Variants in POLE2 observed in about 807,000 individuals in gnomAD.
POLE2 encodes DNA polymerase epsilon 2, accessory subunit.
In POLE2, 56 loss-of-function variants were observed where a neutral mutation model predicts 79.4. The ratio of observed to expected loss-of-function variants is 0.71; its 90% CI spans 0.57 to 0.88. The LOEUF is 0.88. Among genes scored for constraint, POLE2 ranks in the 40% least tolerant of loss-of-function variants. The pLI is 0.00. For synonymous variants in POLE2, 212 were observed against 214.0 expected, an observed-to-expected ratio of 0.99 and a Z score of 0.08; for missense variants, 598 against 638.9, an observed-to-expected ratio of 0.94 and a Z score of 0.69.
chr14:49,680,080 T>C (rs1235033509), intron 2 of POLE2, among the ~76,000 whole-genome samples: 6 of 152,382 alleles, frequency 3.9e-5, no homozygotes, highest in South Asian at 4.1e-4. Context: ...CTAGGGTCGG[T>C]GGCTCACACC....
At chr14:49,646,899 C>G (rs1281524865) in intron 18 of POLE2, 2 of 158,260 alleles carry the variant, frequency 1.3e-5, no homozygotes, top group Non-Finnish European at 2.8e-5. Context: ...TCCGTAACTC[C>G]AACCCCATAC....
chr14:49,665,848 C>T (rs1342380086), intron 7 of POLE2, among the ~76,000 whole-genome samples: 1 of 151,950 alleles, frequency 6.6e-6, no homozygotes. Flanking sequence ...ATTTTTGAGA[C>T]AAAGTTTCGC....
In POLE2 at chr14:49,655,079, G is replaced by C; in HGVS notation, c.944C>G (p.Pro315Arg). Residue 315 changes from proline (P) to arginine (R), a missense_variant, in exon 12 of 19, where the codon CCT becomes CGT. Transcript: ENST00000216367. ...RIMFAGYSPA[P>R]PTCFILCGNF... ...ACCACACAGAATAAAGCAGGTTGGA[G>C]GTGCTGGTGAATAACCTAAACAATA... 3 of 1,539,450 alleles carry C rather than the reference G, an allele frequency of 1.9e-6. No homozygotes were observed. The highest frequency in any genetic ancestry group is 2.6e-6 in the Non-Finnish European group (3 of 1,138,076).
rs1555330539 is a variant in POLE2, at chr14:49,655,103, T to A, written c.929-9A>T. On this transcript the variant is annotated splice_polypyrimidine_tract_variant and intron_variant, in intron 11 of 18. Transcript: ENST00000216367. ...AGGTGCTGGTGAATAACCTAAACAA[T>A]AAAAGAGTAAATGAACAATACTTTT... 7.2e-7 allele frequency: 1 copy of A among 1,398,182 alleles called. No individual in the cohort carries two copies. The highest frequency in any genetic ancestry group is 2.5e-5 in the East Asian group (1 of 39,970). The allele number at this position is 1,398,182 out of a possible 1,614,324, so 86.6% of individuals were successfully genotyped here. A position where few individuals can be genotyped will look rare whatever the true frequency, so the allele number is the denominator to read the frequency against.
intron 3 of POLE2, among the ~76,000 whole-genome samples, chr14:49,677,159 G>A (rs1238245816): frequency 6.6e-6 from 1 of 152,212 alleles, no homozygotes; most frequent in Non-Finnish European, 1.5e-5. Context: ...AGGACTGGGA[G>A]GAGGCCCAGC....
At chr14:49,654,501 T>C (rs1884506486) in intron 13 of POLE2, 1 of 456,946 alleles carries the variant, frequency 2.2e-6, no homozygotes, top group Non-Finnish European at 3.8e-6. Context: ...TAAAGAGACA[T>C]GTGGCCAGTG....
Position 49,664,673 on chromosome 14 carries a change from TG to T in POLE2, c.634del (p.Gln212SerfsTer14). 1 of 1,579,516 alleles carries T rather than the reference TG, an allele frequency of 6.3e-7. No homozygotes were observed. The highest frequency in any genetic ancestry group is 8.7e-7 in the Non-Finnish European group (1 of 1,148,774). Reference protein sequence around the residue: ...GTVQLDLSKAQFHSGLYTEAC... With the variant: ...GTVQLDLSKAXFHSGLYTEAC... Reference sequence around the variant, plus strand: ...CTCTGTGTATAAACCACTATGGAACTGGTACACAACAGTTGAGGAAAATAAT... The same window carrying T: ...CTCTGTGTATAAACCACTATGGAACTGTACACAACAGTTGAGGAAAATAAT... On this transcript the variant is annotated frameshift_variant and splice_region_variant, in exon 9 of 19. Coordinates refer to ENST00000216367, the MANE Select transcript of POLE2 (RefSeq NM_002692.4). LOFTEE classifies it high-confidence loss of function.
chr14:49,677,543 A>T (rs1886372373), intron 3 of POLE2: 6 of 483,388 alleles, frequency 1.2e-5, no homozygotes, highest in South Asian at 8.7e-5. Flanking sequence ...CTGCCGGACT[A>T]GGCGACCCAG....
chr14:49,674,203 T>A lies in POLE2; in HGVS notation c.337A>T (p.Asn113Tyr). 6.2e-7 allele frequency: 1 copy of A among 1,611,336 alleles called. No homozygotes were observed. Among genetic ancestry groups the A allele is most frequent in the Non-Finnish European group, 8.5e-7 (1 of 1,177,464 alleles). The change falls in exon 5 of 19, where the codon AAC becomes TAC. Residue 113 changes from asparagine to tyrosine, a missense_variant. Coordinates refer to ENST00000216367, the MANE Select transcript of POLE2 (RefSeq NM_002692.4). ...RKKFLPLLMT[N>Y]HPAPNLFGTP... is the part of the protein sequence containing the mutation. ...CCAAATAAATTTGGTGCAGGGTGGT[T>A]GGTCATTAACAGACTAGAAAAAGAG... is the stretch of plus-strand genomic sequence containing the variant.
chr14:49,650,405 G>A lies in POLE2; in HGVS notation c.1357C>T (p.Pro453Ser). ...ACTGGGCAGACATAAAGAGGTAGGG[G>A]AGTCAGATGTCCTTGGGATAAGATA... is the stretch of plus-strand genomic sequence containing the variant. ...KTILSQGHLT[P>S]LPLYVCPVYW... The change falls in exon 17 of 19, where the codon CCC becomes TCC. Residue 453 changes from proline (P) to serine (S), a missense_variant. Pro to Ser is a moderately conservative substitution (Grantham distance 74, BLOSUM62 -1). Coordinates refer to ENST00000216367, the MANE Select transcript of POLE2 (RefSeq NM_002692.4). 1.9e-6 allele frequency: 3 copies of A among 1,576,320 alleles called. No homozygotes were observed. Among genetic ancestry groups the A allele is most frequent in the Non-Finnish European group, 2.6e-6 (3 of 1,159,420 alleles).
chr14:49,677,085 C>T (rs1404895945), intron 3 of POLE2, among the ~76,000 whole-genome samples: 1 of 152,186 alleles, frequency 6.6e-6, no homozygotes, highest in African/African-American at 2.4e-5. Flanking sequence ...CCATGTGGAC[C>T]TAGTGGAGGG....
rs1206326841 is a variant in POLE2, at chr14:49,655,408, G to C, written c.928+263C>G. Among the ~76,000 whole-genome samples, 3 of 150,930 alleles carry C rather than the reference G, an allele frequency of 2.0e-5. No individual in the cohort carries two copies. In the South Asian group the frequency reaches 6.3e-4, roughly 32 times the overall value. ...TTTAGAGATGGGGTCTCACTATGTT[G>C]TCCAGCTGGTCTTGAACTTCAGGAC... On this transcript the variant is annotated intron_variant, in intron 11 of 18. Coordinates refer to ENST00000216367, the MANE Select transcript of POLE2 (RefSeq NM_002692.4).
In POLE2 at chr14:49,677,012, G is replaced by T. The variant is rs548612159; in HGVS notation, c.246-2585C>A. 2.6e-5 allele frequency among the ~76,000 whole-genome samples: 4 copies of T among 152,326 alleles called. No individual in the cohort carries two copies. In the South Asian group the frequency reaches 8.3e-4, roughly 32 times the overall value. On this transcript the variant is annotated intron_variant, in intron 3 of 18. Coordinates refer to ENST00000216367, the MANE Select transcript of POLE2 (RefSeq NM_002692.4). ...GCCATGCACTGTGTGCCTGCTCTTAGGGAAATGTCATCATTGACAATAGCT... is the reference window on the plus strand; with the variant it reads ...GCCATGCACTGTGTGCCTGCTCTTATGGAAATGTCATCATTGACAATAGCT...
chr14:49,665,620 C>T (rs1178903675), intron 7 of POLE2, among the ~76,000 whole-genome samples: 6 of 151,702 alleles, frequency 4.0e-5, no homozygotes, highest in African/African-American at 1.5e-4. Context: ...TCTCAGGAAA[C>T]CAAACACAGA....
At chr14:49,664,565 C>CA in intron 9 of POLE2, 61 bp downstream of exon 9, 3 of 1,057,968 alleles carry the variant, frequency 2.8e-6, no homozygotes, top group Non-Finnish European at 4.4e-6. Context: ...ATATTTTACC[C>CA]AAAGCAGAAA....
At chr14:49,668,352 C>T (rs963932023) in intron 6 of POLE2, among the ~76,000 whole-genome samples, 2 of 151,282 alleles carry the variant, frequency 1.3e-5, no homozygotes, top group Admixed American at 1.3e-4. Flanking sequence ...GTGGTGCACA[C>T]CTATTGTCCA....
chr14:49,688,197 G>A lies in POLE2; in HGVS notation c.7C>T (p.Pro3Ser), dbSNP rs772722364. MA[P>S]ERLRSRALSA... ...AGCGCCCGGCTCCGCAGCCGCTCCG[G>A]CGCCATATTTGCGATTTGGCGCCAC... Residue 3 changes from proline to serine, a missense_variant, in exon 1 of 19, where the codon CCG becomes TCG. Transcript: ENST00000216367. The A allele has an allele frequency of 6.5e-7, 1 of 1,530,400 alleles. No individual in the cohort carries two copies. Among genetic ancestry groups the A allele is most frequent in the Non-Finnish European group, 8.8e-7 (1 of 1,140,380 alleles). 94.8% of individuals were successfully genotyped at this position (1,530,400 alleles called of 1,614,324 possible). A position where few individuals can be genotyped will look rare whatever the true frequency, so the allele number is the denominator to read the frequency against.
In POLE2 at chr14:49,645,883, T is replaced by G. The variant is rs942665; in HGVS notation, c.1565+1410A>C. Among the ~76,000 whole-genome samples, 1,214 of 152,324 alleles carry G rather than the reference T, an allele frequency of 8.0e-3. 20 individuals carry two copies. Among genetic ancestry groups the G allele is most frequent in the African/African-American group, 0.028 (1,163 of 41,572 alleles). On this transcript the variant is annotated intron_variant, in intron 18 of 18. Coordinates refer to ENST00000216367, the MANE Select transcript of POLE2 (RefSeq NM_002692.4). ...CCTGACTTAAGTCATCTGCCTGCCT[T>G]GGCCTCCCAAAGTGCTGGATTACAG...
intron 3 of POLE2, among the ~76,000 whole-genome samples, chr14:49,678,377 T>G (rs1886457672): frequency 6.6e-6 from 1 of 151,882 alleles, no homozygotes; most frequent in Admixed American, 6.6e-5. Context: ...GAATAGGGGT[T>G]GGGAAAAGGA....
Sources: gnomAD v4.1 joint callset for allele counts (sites outside exome capture counted in the v4.1 genomes callset) on GRCh38, gnomAD v4.1.1 for gene constraint, MANE v1.5 for transcripts, NCBI Gene and HGNC (gene_info 2026-07-23, HGNC 2026-07-21) for gene names.